IL1RAPL2: variants seen among roughly 807,000 people sequenced by gnomAD.
IL1RAPL2 encodes the protein X-linked interleukin-1 receptor accessory protein-like 2.
A neutral mutation model predicts 44.1 loss-of-function variants in IL1RAPL2; 3 were observed. The ratio of observed to expected loss-of-function variants is 0.07; its 90% CI spans 0.03 to 0.18. IL1RAPL2 has a LOEUF of 0.18. Among genes scored for constraint, IL1RAPL2 ranks in the 10% least tolerant of loss-of-function variants. The probability of loss-of-function intolerance (pLI) is 1.00; values close to 1 mark genes in which losing one functional copy is unlikely to be tolerated. For synonymous variants in IL1RAPL2, 181 were observed against 178.8 expected (o/e 1.01, Z -0.10); for missense variants, 391 against 496.4 (o/e 0.79, Z 2.02).
chrX:105,716,695 T>C (rs1458049569), intron 6 of IL1RAPL2, among the ~76,000 whole-genome samples: 2 of 111,866 alleles, frequency 1.8e-5, no homozygotes, highest in Non-Finnish European at 3.8e-5. Flanking sequence ...ATAGTTTATA[T>C]TACCTAATTT....
chrX:104,631,301 G>A (rs1241997776), intron 1 of IL1RAPL2, among the ~76,000 whole-genome samples: 1 of 111,844 alleles, frequency 8.9e-6, no homozygotes, highest in East Asian at 2.8e-4. Flanking sequence ...ATAAACATAT[G>A]TGTGCATGTG....
At chrX:105,033,323 G>T (rs2031550636) in intron 2 of IL1RAPL2, among the ~76,000 whole-genome samples, 1 of 111,658 alleles carries the variant, frequency 9.0e-6, no homozygotes, top group Non-Finnish European at 1.9e-5. Context: ...TAGCCTTGAT[G>T]GTCTTTACAT....
intron 2 of IL1RAPL2, among the ~76,000 whole-genome samples, chrX:105,012,645 T>TCTCACA (rs1287477665): frequency 2.9e-4 from 14 of 48,504 alleles, no homozygotes; most frequent in Non-Finnish European, 4.4e-4. Context: ...TCTCTCTCTC[T>TCTCACA]CACACACACA....
chrX:104,585,271 T>TAA lies in IL1RAPL2; in HGVS notation c.-20+18220_-20+18221insAA, dbSNP rs1355194751. On this transcript the variant is annotated intron_variant, in intron 1 of 10. Transcript: ENST00000372582. ...TGATATATAATATATATATAATATATTATATATATTATATAATATATTATA... is the reference window on the plus strand; with the variant it reads ...TGATATATAATATATATATAATATATAATATATATATTATATAATATATTATA... Among the ~76,000 whole-genome samples, 2 of 17,914 alleles carry TAA rather than the reference T, an allele frequency of 1.1e-4. 1 individual carries two copies. The highest frequency in any genetic ancestry group is 1.6e-4 in the Non-Finnish European group (2 of 12,830). 15.6% of individuals were successfully genotyped at this position (17,914 alleles called of 115,157 possible).
chrX:104,798,931 A>T (rs190081072), intron 2 of IL1RAPL2, among the ~76,000 whole-genome samples: 29 of 111,416 alleles, frequency 2.6e-4, no homozygotes, highest in African/African-American at 7.8e-4. Context: ...CCTCTAGACT[A>T]AGCTGTCTAC....
At chrX:105,119,411 G>A (rs2032897105) in intron 2 of IL1RAPL2, among the ~76,000 whole-genome samples, 1 of 110,967 alleles carries the variant, frequency 9.0e-6, no homozygotes, top group Admixed American at 9.6e-5. Context: ...CTTGCTCTCT[G>A]TAGCAACACA....
rs375861592 is a variant in IL1RAPL2 at position 104,726,619 on chromosome X, A to G, written c.82+67624A>G. ...CACATCTCTTGTAAGTTGTATTCCT[A>G]GGTACTTTATTCTCTCTGTAGCAAT... On this transcript the variant is annotated intron_variant, in intron 2 of 10. Transcript: ENST00000372582. Among the ~76,000 whole-genome samples, 4 of 111,061 alleles carry G rather than the reference A, an allele frequency of 3.6e-5. No homozygotes were observed. The East Asian group carries it at 1.1e-3, about 31-fold the overall frequency.
chrX:105,119,888 G>A (rs1006859250), intron 2 of IL1RAPL2, among the ~76,000 whole-genome samples: 2 of 110,382 alleles, frequency 1.8e-5, no homozygotes, highest in African/African-American at 6.6e-5. Context: ...ATTTAGTATA[G>A]TAATTAAAAC....
chrX:105,005,662 C>T (rs1602884003), intron 2 of IL1RAPL2, among the ~76,000 whole-genome samples: 2 of 110,179 alleles, frequency 1.8e-5, no homozygotes, highest in East Asian at 5.8e-4. Context: ...TTTAGTTCAC[C>T]ATGTATTTCC....
At chrX:105,618,389 C>A (rs1473191093) in intron 6 of IL1RAPL2, among the ~76,000 whole-genome samples, 1 of 109,475 alleles carries the variant, frequency 9.1e-6, no homozygotes, top group African/African-American at 3.3e-5. Context: ...ACAAGTTTAC[C>A]TATATAACAA....
chrX:104,955,765 C>CA (rs1925696811), intron 2 of IL1RAPL2, among the ~76,000 whole-genome samples: 1 of 110,773 alleles, frequency 9.0e-6, no homozygotes. Flanking sequence ...GCAGGAAACA[C>CA]AAAGAGTTAA....
chrX:105,151,511 CTGTTTTTTTT>C (rs1250886672), intron 2 of IL1RAPL2, among the ~76,000 whole-genome samples: 1 of 108,692 alleles, frequency 9.2e-6, no homozygotes, highest in Non-Finnish European at 1.9e-5. Context: ...GAAGGTTTTT[CTGTTTTTTTT>C]TGTTTTTTCG....
intron 6 of IL1RAPL2, among the ~76,000 whole-genome samples, chrX:105,534,335 A>T (rs1004029163): frequency 8.9e-6 from 1 of 111,997 alleles, no homozygotes; most frequent in East Asian, 2.8e-4. Flanking sequence ...TGATAGCATA[A>T]GGGGGTCATT....
At chrX:104,820,535 C>T (rs1215233254) in intron 2 of IL1RAPL2, among the ~76,000 whole-genome samples, 1 of 111,821 alleles carries the variant, frequency 8.9e-6, no homozygotes, top group Admixed American at 9.6e-5. Context: ...AGGTTTTGAG[C>T]CTTGCCTCCA....
chrX:105,548,480 C>A (rs998921471), intron 6 of IL1RAPL2, among the ~76,000 whole-genome samples: 1 of 111,604 alleles, frequency 9.0e-6, no homozygotes, highest in African/African-American at 3.3e-5. Context: ...TTGTTCCAAG[C>A]CAGTATAGCT....
chrX:105,062,397 A>G (rs2044735953), intron 2 of IL1RAPL2, among the ~76,000 whole-genome samples: 2 of 111,384 alleles, frequency 1.8e-5, no homozygotes, highest in African/African-American at 6.5e-5. Flanking sequence ...CTATATCTTG[A>G]AAAGTTGTTG....
chrX:105,045,816 G>T (rs1414258051), intron 2 of IL1RAPL2, among the ~76,000 whole-genome samples: 1 of 111,179 alleles, frequency 9.0e-6, no homozygotes, highest in East Asian at 2.8e-4. Context: ...TCCTGCCTCA[G>T]CCTCCCAAAG....
At chrX:105,687,203 A>T (rs766622137) in intron 6 of IL1RAPL2, among the ~76,000 whole-genome samples, 1 of 110,664 alleles carries the variant, frequency 9.0e-6, no homozygotes, top group African/African-American at 3.3e-5. Flanking sequence ...AGCTAGCAGA[A>T]GGCAAGAAAT....
chrX:105,534,063 T>C (rs191198820), intron 6 of IL1RAPL2, among the ~76,000 whole-genome samples: 1 of 112,376 alleles, frequency 8.9e-6, no homozygotes, highest in African/African-American at 3.2e-5. Flanking sequence ...ATCAAAGATA[T>C]ACCTTCAAAG....
Sources: allele counts gnomAD v4.1 joint callset (sites outside exome capture counted in the v4.1 genomes callset), GRCh38; gene constraint gnomAD v4.1.1; transcripts MANE v1.5; gene names NCBI Gene and HGNC (gene_info 2026-07-23, HGNC 2026-07-21).